DISC1: variants seen among roughly 807,000 people sequenced by gnomAD.
The protein encoded by DISC1 is DISC1 scaffold protein, also known as disrupted in schizophrenia 1 protein.
In DISC1, 57 loss-of-function variants were observed where a neutral mutation model predicts 84.5. The ratio of observed to expected loss-of-function variants is 0.67; its 90% CI spans 0.55 to 0.84. The LOEUF (loss-of-function observed/expected upper bound fraction) is 0.84, where lower values mean the gene tolerates loss of function less well. Among genes scored for constraint, DISC1 ranks in the 40% least tolerant of loss-of-function variants. The pLI is 0.00. For synonymous variants in DISC1, 411 were observed against 415.2 expected (o/e 0.99, Z 0.12); for missense variants, 1,000 against 1,057.8 (o/e 0.95, Z 0.76).
chr1:231,701,670 C>A (rs902029257), intron 2 of DISC1, among the ~76,000 whole-genome samples: 2 of 152,176 alleles, frequency 1.3e-5, no homozygotes, highest in African/African-American at 4.8e-5. Context: ...TTATGCATTT[C>A]TTCATGCAGA....
intron 9 of DISC1, among the ~76,000 whole-genome samples, chr1:231,867,334 C>T (rs964037934): frequency 6.6e-6 from 1 of 152,188 alleles, no homozygotes; most frequent in African/African-American, 2.4e-5. Context: ...AACGGATGTA[C>T]CTCTTTTGCT....
At chr1:231,912,789 CTTT>C in intron 9 of DISC1, among the ~76,000 whole-genome samples, 1 of 137,524 alleles carries the variant, frequency 7.3e-6, no homozygotes, top group Non-Finnish European at 1.6e-5. Flanking sequence ...TTCTTTCTTT[CTTT>C]CTTTCTTTCT....
chr1:231,780,237 T>TAA (rs11451092), intron 6 of DISC1, among the ~76,000 whole-genome samples: 18,256 of 103,244 alleles, frequency 0.18, 1,421 homozygotes, highest in African/African-American at 0.22. Flanking sequence ...TAAAGTATAA[T>TAA]AAAAAAAAAA....
intron 12 of DISC1, among the ~76,000 whole-genome samples, chr1:232,030,420 A>C (rs1320281532): frequency 6.6e-6 from 1 of 152,214 alleles, no homozygotes; most frequent in Admixed American, 6.5e-5. Context: ...CATTTTTGGC[A>C]TATTTCAAAG....
rs1361519 is a variant in DISC1, at chr1:231,663,596, G to C, written c.68-30230G>C. ...CTTTCCACCCTCCTGCCTGAAATCTGATGCTTTCCTTCAAGCTCCATCCCC... is the reference window on the plus strand; with the variant it reads ...CTTTCCACCCTCCTGCCTGAAATCTCATGCTTTCCTTCAAGCTCCATCCCC... On this transcript the variant is annotated intron_variant, in intron 1 of 12. Coordinates refer to ENST00000439617, the MANE Select transcript of DISC1 (RefSeq NM_018662.3). Among the ~76,000 whole-genome samples, 356 of 152,274 alleles carry C rather than the reference G, an allele frequency of 2.3e-3. 5 individuals are homozygous for C. Among genetic ancestry groups the C allele is most frequent in the African/African-American group, 8.2e-3 (339 of 41,554 alleles).
At chr1:231,998,628 T>A (rs1377726584) in intron 10 of DISC1, among the ~76,000 whole-genome samples, 1 of 152,186 alleles carries the variant, frequency 6.6e-6, no homozygotes, top group African/African-American at 2.4e-5. Context: ...ATAAAACCAT[T>A]ATTTAAATGG....
intron 10 of DISC1, chr1:231,959,120 C>T (rs1660036092): frequency 8.2e-7 from 1 of 1,224,012 alleles, no homozygotes; most frequent in Non-Finnish European, 1.0e-6. Context: ...GGAGAGATCA[C>T]AGGAGAGTTT....
At chr1:232,015,145 C>T (rs1668364689) in intron 11 of DISC1, among the ~76,000 whole-genome samples, 1 of 152,124 alleles carries the variant, frequency 6.6e-6, no homozygotes, top group African/African-American at 2.4e-5. Flanking sequence ...CCTGCTTGTT[C>T]TCTCAGTTAA....
chr1:231,935,785 C>A (rs944313109), intron 9 of DISC1, among the ~76,000 whole-genome samples: 2 of 152,166 alleles, frequency 1.3e-5, no homozygotes, highest in African/African-American at 4.8e-5. Context: ...TGGACGTGCA[C>A]AATGGACAAC....
rs1667860137 is a variant in DISC1, at chr1:232,009,728, AG to A, written c.2307+680del. On this transcript the variant is annotated intron_variant, in intron 11 of 12. Transcript: ENST00000439617. This position sits in a 1 kb window ranked among gnomAD's most constrained non-coding sequence, Gnocchi z 4.6. ...TCACTTTCCTCCTCCCACCCTAACA[AG>A]AGTCTTTTCCATAAAAAGGCCCTAG... 1 of 539,286 alleles carries A rather than the reference AG, an allele frequency of 1.9e-6. No individual in the cohort carries two copies. Among genetic ancestry groups the A allele is most frequent in the Non-Finnish European group, 2.4e-6 (1 of 422,974 alleles). 33.4% of individuals were successfully genotyped at this position (539,286 alleles called of 1,614,324 possible).
At chr1:231,968,591 C>CA (rs34437165) in intron 10 of DISC1, among the ~76,000 whole-genome samples, 1,506 of 88,706 alleles carry the variant, frequency 0.017, 24 homozygotes, top group African/African-American at 0.039. Flanking sequence ...GACTCCGTCT[C>CA]AAAAAAAAAA....
At chr1:231,768,240 A>T (rs568700342) in intron 5 of DISC1, among the ~76,000 whole-genome samples, 1 of 152,144 alleles carries the variant, frequency 6.6e-6, no homozygotes, top group Admixed American at 6.5e-5. Context: ...AAGCAACGTG[A>T]CTTCATGGGA....
chr1:231,775,164 T>C (rs1184448267), intron 6 of DISC1, among the ~76,000 whole-genome samples: 1 of 152,256 alleles, frequency 6.6e-6, no homozygotes, highest in East Asian at 1.9e-4. Context: ...AGGATTTTCA[T>C]AGAGGCCAGA....
At position 231,721,275 on chromosome 1, in the gene DISC1, C is replaced by G. The variant is rs554426189; in HGVS notation, c.1117+19251C>G. On this transcript the variant is annotated intron_variant, in intron 3 of 12. Coordinates refer to ENST00000439617, the MANE Select transcript of DISC1 (RefSeq NM_018662.3). ...TGGATAATGTTATCTGCTTTTTATT[C>G]TTTTCCACACTACAGATGAGAAAAA... Among the ~76,000 whole-genome samples, 3 of 151,968 alleles carry G rather than the reference C, an allele frequency of 2.0e-5. No individual in the cohort carries two copies. The South Asian group carries it at 6.2e-4, about 32-fold the overall frequency.
chr1:232,008,160 A>G (rs1667694513), intron 10 of DISC1, among the ~76,000 whole-genome samples: 1 of 152,230 alleles, frequency 6.6e-6, no homozygotes. Flanking sequence ...CTAATACAAT[A>G]GAGTCTAGCA....
chr1:231,932,089 G>C (rs1486317013), intron 9 of DISC1, among the ~76,000 whole-genome samples: 2 of 152,186 alleles, frequency 1.3e-5, no homozygotes, highest in Non-Finnish European at 2.9e-5. Context: ...TCAGTGTCAG[G>C]ACTTTGGTGT....
chr1:231,886,825 T>TTCTC lies in DISC1; in HGVS notation c.1981+68311_1981+68312insCTCT, dbSNP rs2086790900. On this transcript the variant is annotated intron_variant, in intron 9 of 12. Transcript: ENST00000439617. Reference sequence around the variant, plus strand: ...TTTCTTTCTTTCTTTCTTTCTTTCTTTCTTTCTTTCCTTCTTTCTTTTCTT... The same window carrying TTCTC: ...TTTCTTTCTTTCTTTCTTTCTTTCTTTCTCTCTTTCTTTCCTTCTTTCTTTTCTT... Among the ~76,000 whole-genome samples the TTCTC allele has an allele frequency of 2.1e-5, 3 of 144,212 alleles. No homozygotes were observed. The South Asian group carries it at 6.8e-4, about 33-fold the overall frequency. The allele number at this position is 144,212 out of a possible 152,430, so 94.6% of individuals were successfully genotyped here.
intron 1 of DISC1, 109 bp downstream of exon 1, chr1:231,627,043 A>C: frequency 7.2e-6 from 5 of 698,960 alleles, no homozygotes; most frequent in Non-Finnish European, 8.8e-6. Context: ...TCTGTTAACA[A>C]CCCCTTTCGA....
At position 231,963,325 on chromosome 1, in the gene DISC1, G is replaced by A. The variant is rs557849948; in HGVS notation, c.2042+4437G>A. Among the ~76,000 whole-genome samples, 62 of 152,044 alleles carry A rather than the reference G, an allele frequency of 4.1e-4. 1 individual carries two copies. Among genetic ancestry groups the A allele is most frequent in the South Asian group, 6.2e-4 (3 of 4,814 alleles). On this transcript the variant is annotated intron_variant, in intron 10 of 12. Coordinates refer to ENST00000439617, the MANE Select transcript of DISC1 (RefSeq NM_018662.3). ...AGGAGTATCATCCAGAGAAATATTC[G>A]ATTGAATCATGTGAAATTGCTGATA...
Sources: gnomAD v4.1 joint callset for allele counts (sites outside exome capture counted in the v4.1 genomes callset) on GRCh38, gnomAD v4.1.1 for gene constraint, Gnocchi (gnomAD v3.1) non-coding constraint, MANE v1.5 for transcripts, NCBI Gene and HGNC (gene_info 2026-07-23, HGNC 2026-07-21) for gene names.